E2F6: variants seen among roughly 807,000 people sequenced by gnomAD.
The protein encoded by E2F6 is E2F transcription factor 6.
Under a neutral mutation model 31.5 loss-of-function variants are expected in E2F6, and 19 were observed. The ratio of observed to expected loss-of-function variants is 0.60; its 90% confidence interval spans 0.42 to 0.89. The LOEUF (loss-of-function observed/expected upper bound fraction) is 0.89, where lower values mean the gene tolerates loss of function less well. Ranked by LOEUF, E2F6 falls within the 40% of genes least tolerant of loss-of-function variation. The probability of loss-of-function intolerance (pLI) is 0.00; values close to 1 mark genes in which losing one functional copy is unlikely to be tolerated. For missense variants in E2F6, 269 were observed against 341.6 expected, an observed-to-expected ratio of 0.79 and a Z score of 1.67; for synonymous variants, 121 against 127.7, an observed-to-expected ratio of 0.95 and a Z score of 0.36.
intron 5 of E2F6, among the ~76,000 whole-genome samples, chr2:11,448,257 A>T (rs1670847466): frequency 6.6e-6 from 1 of 152,236 alleles, no homozygotes; most frequent in Non-Finnish European, 1.5e-5. Context: ...ACTCATTATG[A>T]TATTCACATC....
At chr2:11,448,307 T>C (rs984876531) in intron 5 of E2F6, among the ~76,000 whole-genome samples, 3 of 152,240 alleles carry the variant, frequency 2.0e-5, no homozygotes, top group Non-Finnish European at 2.9e-5. Context: ...CAAAATACTT[T>C]TTTTCCGTAA....
chr2:11,464,326 T>C (rs1378132555), intron 1 of E2F6, among the ~76,000 whole-genome samples: 1 of 151,218 alleles, frequency 6.6e-6, no homozygotes, highest in South Asian at 2.1e-4. Context: ...CATCCTGGCT[T>C]ACACGGTGAA....
chr2:11,457,034 T>G lies in E2F6; in HGVS notation c.163+145A>C, dbSNP rs567107159. On this transcript the variant is annotated intron_variant, in intron 2 of 6. Transcript: ENST00000381525. ...TTCAACCCATAACCTCAGGAGTTGT[T>G]ACTAAAACTTGCAACTTTACATTTC... 5.3e-4 allele frequency: 344 copies of G among 649,370 alleles called. 1 individual carries two copies. The African/African-American group carries it at 5.9e-3, about 11-fold the overall frequency. The allele number at this position is 649,370 out of a possible 1,614,324, so 40.2% of individuals were successfully genotyped here. A position where few individuals can be genotyped will look rare whatever the true frequency, so the allele number is the denominator to read the frequency against.
intron 2 of E2F6, 182 bp downstream of exon 2, chr2:11,456,997 T>C (rs1671447139): frequency 1.7e-6 from 1 of 572,472 alleles, no homozygotes. Flanking sequence ...AAACTGGCAT[T>C]TGTGCACATG....
At chr2:11,458,202 C>G (rs1671531850) in intron 1 of E2F6, 2 of 1,508,086 alleles carry the variant, frequency 1.3e-6, no homozygotes, top group Admixed American at 3.9e-5. Context: ...TAAAGCAAAA[C>G]TGGGGCAAGT....
intron 2 of E2F6, among the ~76,000 whole-genome samples, chr2:11,455,922 G>A (rs755710097): frequency 3.3e-5 from 5 of 152,156 alleles, no homozygotes; most frequent in Non-Finnish European, 5.9e-5. Context: ...GCGAATGGGC[G>A]GTGTTTGCCC....
intron 1 of E2F6, among the ~76,000 whole-genome samples, chr2:11,463,499 G>A (rs1159645114): frequency 6.6e-6 from 1 of 152,182 alleles, no homozygotes; most frequent in Non-Finnish European, 1.5e-5. Flanking sequence ...AGTTTTGGGG[G>A]AATCAAAGTT....
At chr2:11,454,352 CTTTTT>C (rs535824786) in intron 2 of E2F6, among the ~76,000 whole-genome samples, 12 of 140,524 alleles carry the variant, frequency 8.5e-5, no homozygotes, top group Middle Eastern at 3.6e-3. Context: ...GTATCTCTCT[CTTTTT>C]TTTTTTTTTT....
rs745362159 is a variant in E2F6, at chr2:11,446,566, C to A, written c.800-43G>T. The A allele has an allele frequency of 2.6e-6, 4 of 1,556,520 alleles. No homozygotes were observed. The African/African-American group carries it at 5.4e-5, about 21-fold the overall frequency. On this transcript the variant is annotated intron_variant, in intron 6 of 6. Coordinates refer to ENST00000381525, the MANE Select transcript of E2F6 (RefSeq NM_198256.4). Reference sequence around the variant, plus strand: ...AGAGAAATACACCTAAGTGAATACACCTAAGTGAAGGTCTGATAGGCAAAT... The same window carrying A: ...AGAGAAATACACCTAAGTGAATACAACTAAGTGAAGGTCTGATAGGCAAAT...
At chr2:11,450,423 G>T (rs1004819154) in intron 4 of E2F6, among the ~76,000 whole-genome samples, 2 of 152,008 alleles carry the variant, frequency 1.3e-5, no homozygotes, top group African/African-American at 2.4e-5. Flanking sequence ...TATTAATAAA[G>T]TCTGAGTCCC....
intron 6 of E2F6, among the ~76,000 whole-genome samples, chr2:11,446,782 T>G (rs536023604): frequency 2.0e-5 from 3 of 152,340 alleles, no homozygotes; most frequent in African/African-American, 4.8e-5. Flanking sequence ...CTTTATTAGT[T>G]TCTTTTGGAG....
intron 1 of E2F6, among the ~76,000 whole-genome samples, chr2:11,463,412 G>GT (rs1477430094): frequency 5.9e-5 from 9 of 152,158 alleles, no homozygotes; most frequent in South Asian, 2.1e-4. Context: ...TAAGAAAACA[G>GT]TAACTAATAC....
At chr2:11,462,598 T>C (rs1378304499) in intron 1 of E2F6, among the ~76,000 whole-genome samples, 2 of 152,164 alleles carry the variant, frequency 1.3e-5, no homozygotes, top group African/African-American at 2.4e-5. Flanking sequence ...ACTGGAAGCA[T>C]ACTGGAAGCA....
chr2:11,446,842 T>C (rs544153052), intron 6 of E2F6, among the ~76,000 whole-genome samples: 1 of 152,322 alleles, frequency 6.6e-6, no homozygotes, highest in Admixed American at 6.5e-5. Flanking sequence ...TGTGCTGTTG[T>C]CTGCATGTGG....
chr2:11,446,959 G>A (rs560615128), intron 6 of E2F6, among the ~76,000 whole-genome samples: 1 of 152,304 alleles, frequency 6.6e-6, no homozygotes, highest in East Asian at 1.9e-4. Context: ...ACCCTGGCCC[G>A]CAGTGCTTGT....
At chr2:11,463,479 C>G (rs1442017850) in intron 1 of E2F6, among the ~76,000 whole-genome samples, 1 of 152,158 alleles carries the variant, frequency 6.6e-6, no homozygotes, top group Admixed American at 6.5e-5. Context: ...AGGCTTCCAG[C>G]AAACAGTAAA....
At chr2:11,451,852 A>G in intron 3 of E2F6, 46 bp from the exon 4 acceptor site, 1 of 1,555,556 alleles carries the variant, frequency 6.4e-7, no homozygotes, top group Non-Finnish European at 8.7e-7. Flanking sequence ...CTAGGAGATA[A>G]CAAAGTAATT....
At chr2:11,449,270 G>C (rs551690558) in intron 5 of E2F6, among the ~76,000 whole-genome samples, 54 of 152,286 alleles carry the variant, frequency 3.5e-4, no homozygotes, top group Admixed American at 1.2e-3. Flanking sequence ...GGGCTCACTT[G>C]AACAGTGGTC....
At chr2:11,460,581 C>G (rs1671713799) in intron 1 of E2F6, among the ~76,000 whole-genome samples, 1 of 152,170 alleles carries the variant, frequency 6.6e-6, no homozygotes. Context: ...AAATCATGAG[C>G]CAATTTCCCT....
Sources: gnomAD v4.1 joint callset for allele counts (sites outside exome capture counted in the v4.1 genomes callset) on GRCh38, gnomAD v4.1.1 for gene constraint, MANE v1.5 for transcripts, NCBI Gene and HGNC (gene_info 2026-07-23, HGNC 2026-07-21) for gene names.